Variants in STIM1 observed in about 807,000 individuals in gnomAD.
The protein encoded by STIM1 is stromal interaction molecule 1.
STIM1 carries 25 observed loss-of-function variants against 74.7 expected under a neutral mutation model. That is an observed-to-expected ratio of 0.33 (90% confidence interval 0.24 to 0.47). The LOEUF is 0.47. STIM1 is among the 20% of genes least tolerant of loss of function. The pLI, the probability that STIM1 is intolerant of heterozygous loss-of-function variation, is 1.00. For synonymous variants in STIM1, 328 were observed against 348.8 expected, an observed-to-expected ratio of 0.94 and a Z score of 0.66; for missense variants, 728 against 920.8, an observed-to-expected ratio of 0.79 and a Z score of 2.71.
intron 1 of STIM1, among the ~76,000 whole-genome samples, chr11:3,862,280 G>C (rs974978296): frequency 7.2e-5 from 11 of 152,136 alleles, no homozygotes; most frequent in African/African-American, 2.7e-4. Context: ...AACTTGCAGA[G>C]AGTTTATTTC....
chr11:3,854,932 C>T (rs917493219), upstream of STIM1: 1 of 152,382 alleles, frequency 6.6e-6, no homozygotes, highest in Non-Finnish European at 1.5e-5. Flanking sequence ...CTCGCAGGCC[C>T]CAGTGGCCCT....
At chr11:4,034,679 T>C (rs1184427182) in intron 3 of STIM1, among the ~76,000 whole-genome samples, 2 of 152,206 alleles carry the variant, frequency 1.3e-5, no homozygotes, top group African/African-American at 4.8e-5. Context: ...GAAGAGTTCA[T>C]GTAGAATTGG....
chr11:4,089,136 T>A, intron 12 of STIM1: 2 of 235,884 alleles, frequency 8.5e-6, no homozygotes, highest in East Asian at 1.8e-4. Context: ...CATAGGAGGA[T>A]CACTTGAGCC....
chr11:3,975,313 G>A (rs1350820049), intron 2 of STIM1, among the ~76,000 whole-genome samples: 6 of 152,126 alleles, frequency 3.9e-5, no homozygotes, highest in Admixed American at 2.0e-4. Context: ...CTCAAAACTC[G>A]ACAATAGAAA....
At chr11:3,986,503 A>G (rs892138509) in intron 2 of STIM1, among the ~76,000 whole-genome samples, 10 of 152,180 alleles carry the variant, frequency 6.6e-5, no homozygotes, top group African/African-American at 9.7e-5. Context: ...AGGAACTTGG[A>G]TTTCATCCTA....
At chr11:3,897,727 A>G (rs1459043423) in intron 1 of STIM1, among the ~76,000 whole-genome samples, 1 of 148,892 alleles carries the variant, frequency 6.7e-6, no homozygotes, top group Non-Finnish European at 1.5e-5. Flanking sequence ...ATGTGTTCTC[A>G]TTGTTCAATT....
intron 1 of STIM1, among the ~76,000 whole-genome samples, chr11:3,940,663 C>G (rs574592043): frequency 1.2e-3 from 185 of 152,162 alleles, no homozygotes; most frequent in Non-Finnish European, 2.1e-3. Flanking sequence ...TTTCAAGGAG[C>G]CATCCTGGAG....
Position 4,084,673 on chromosome 11 carries a change from A to G in STIM1, c.1475A>G (p.Tyr492Cys). The G allele has an allele frequency of 4.7e-6, 6 of 1,289,256 alleles. No individual in the cohort carries two copies. The highest frequency in any genetic ancestry group is 6.1e-6 in the Non-Finnish European group (6 of 988,826). The allele number at this position is 1,289,256 out of a possible 1,614,324, so 79.9% of individuals were successfully genotyped here. A position where few individuals can be genotyped will look rare whatever the true frequency, so the allele number is the denominator to read the frequency against. Reference protein sequence around the residue: ...EEIVSPLSMQYAAWLMGRRFS... With the variant: ...EEIVSPLSMQCAAWLMGRRFS... ...CTTTTGGCCTGGCTGTTGACCCTAG[A>G]TGCTGCCTGGCTGATGGGGCGTAGG... is the stretch of plus-strand genomic sequence containing the variant. The change falls in exon 11 of 13, where the codon TAT (tyrosine) becomes TGT (cysteine). Residue 492 changes from tyrosine to cysteine, a missense_variant and splice_region_variant. Around this residue, in one of 5 missense-constraint regions of STIM1, gnomAD observed 352 missense variants for 370.1 expected, o/e 0.95. Transcript: ENST00000526596.
chr11:4,058,940 G>A (rs1040900036), intron 4 of STIM1: 3 of 1,140,752 alleles, frequency 2.6e-6, no homozygotes, highest in Non-Finnish European at 3.3e-6. Flanking sequence ...TTTATAAATG[G>A]TAGGAGGTGG....
intron 6 of STIM1, 148 bp from the exon 7 acceptor site, chr11:4,074,354 C>T (rs2094424523): frequency 3.2e-6 from 3 of 940,244 alleles, no homozygotes; most frequent in Non-Finnish European, 4.9e-6. Flanking sequence ...GGGCCTTGAG[C>T]TAGCTCAGAG....
chr11:4,002,451 T>C (rs1344488770), intron 2 of STIM1, among the ~76,000 whole-genome samples: 2 of 151,956 alleles, frequency 1.3e-5, no homozygotes, highest in Non-Finnish European at 2.9e-5. Context: ...AACTGCTCAA[T>C]TACATGGAAA....
chr11:3,861,321 C>T (rs977074413), intron 1 of STIM1, among the ~76,000 whole-genome samples: 1 of 151,772 alleles, frequency 6.6e-6, no homozygotes, highest in Non-Finnish European at 1.5e-5. Flanking sequence ...GCAAGCTCCA[C>T]CTCCCAGGTT....
At chr11:4,064,984 C>T (rs1256409749) in intron 5 of STIM1, among the ~76,000 whole-genome samples, 1 of 152,136 alleles carries the variant, frequency 6.6e-6, no homozygotes, top group Non-Finnish European at 1.5e-5. Context: ...TCAAGCTGAC[C>T]AGCTCTATCA....
intron 2 of STIM1, chr11:3,972,993 GCCA>G (rs1323048274): frequency 3.9e-5 from 20 of 509,352 alleles, no homozygotes; most frequent in Non-Finnish European, 7.8e-5. Context: ...TGCTTTCACT[GCCA>G]CCAACAAAGC....
intron 1 of STIM1, among the ~76,000 whole-genome samples, chr11:3,935,656 C>T (rs1435202356): frequency 6.6e-6 from 1 of 152,160 alleles, no homozygotes; most frequent in Non-Finnish European, 1.5e-5. Flanking sequence ...TCCTGTGGTT[C>T]GATTTTCCCA....
chr11:3,937,635 G>A (rs2092951087), intron 1 of STIM1, among the ~76,000 whole-genome samples: 1 of 151,650 alleles, frequency 6.6e-6, no homozygotes, highest in African/African-American at 2.4e-5. Flanking sequence ...GGAGGATGAT[G>A]GCAGTCCTTC....
Position 3,857,096 on chromosome 11 carries a change from G to GTTTTTTTTT in STIM1, c.139+690_139+698dup, listed in dbSNP as rs1397784537. Among the ~76,000 whole-genome samples, 14 of 78,012 alleles carry GTTTTTTTTT rather than the reference G, an allele frequency of 1.8e-4. 2 individuals are homozygous for GTTTTTTTTT. Among genetic ancestry groups the GTTTTTTTTT allele is most frequent in the Middle Eastern group, 0.014 (1 of 74 alleles). 51.2% of individuals were successfully genotyped at this position (78,012 alleles called of 152,430 possible). On this transcript the variant is annotated intron_variant, in intron 1 of 12. Transcript: ENST00000526596. Reference sequence around the variant, plus strand: ...TGAGGGTGGGAATTCCATGCTACAGGTTTTTTTTTTTGTTTTTTTTTTTTT... The same window carrying GTTTTTTTTT: ...TGAGGGTGGGAATTCCATGCTACAGGTTTTTTTTTTTTTTTTTTTTGTTTTTTTTTTTTT...
intron 6 of STIM1, 108 bp downstream of exon 6, chr11:4,070,311 G>A: frequency 7.9e-7 from 1 of 1,270,194 alleles, no homozygotes. Context: ...CAGCATGGCA[G>A]CCCAGGCTGC....
At chr11:3,900,955 C>CT (rs2092331707) in intron 1 of STIM1, among the ~76,000 whole-genome samples, 1 of 152,222 alleles carries the variant, frequency 6.6e-6, no homozygotes, top group African/African-American at 2.4e-5. Flanking sequence ...CTTTGGGAGG[C>CT]TGAGGCAGTC....
Sources: allele counts gnomAD v4.1 joint callset (sites outside exome capture counted in the v4.1 genomes callset), GRCh38; gene constraint gnomAD v4.1.1; regional missense constraint gnomAD v4.1.1; transcripts MANE v1.5; gene names NCBI Gene and HGNC (gene_info 2026-07-23, HGNC 2026-07-21).